Variants in SNX1 observed in about 807,000 individuals in gnomAD.
SNX1 encodes sorting nexin 1.
SNX1 carries 36 observed loss-of-function variants against 71.8 expected under a neutral mutation model. That is an observed-to-expected ratio of 0.50 (90% CI 0.38 to 0.66). The LOEUF is 0.66. Ranked by LOEUF, SNX1 falls within the 30% of genes least tolerant of loss-of-function variation. The pLI is 0.00. For synonymous variants in SNX1, 254 were observed against 240.7 expected, an observed-to-expected ratio of 1.06 and a Z score of -0.51; for missense variants, 612 against 646.7, an observed-to-expected ratio of 0.95 and a Z score of 0.58.
chr15:64,127,987 C>G (rs1206887668), intron 8 of SNX1, among the ~76,000 whole-genome samples, 181 bp downstream of exon 8: 1 of 152,128 alleles, frequency 6.6e-6, no homozygotes, highest in Non-Finnish European at 1.5e-5. Flanking sequence ...AAGCTCTGCC[C>G]GAAGTCAAAA....
intron 11 of SNX1, among the ~76,000 whole-genome samples, chr15:64,133,233 C>T (rs1320418845): frequency 6.6e-6 from 1 of 152,188 alleles, no homozygotes; most frequent in Non-Finnish European, 1.5e-5. Context: ...AGCATGGAGC[C>T]GGACCACTGT....
At position 64,142,819 on chromosome 15, in the gene SNX1, T is replaced by C. The variant is rs2081428097; in HGVS notation, c.*5201T>C. The C allele has an allele frequency of 1.4e-5, 5 of 358,962 alleles. No individual in the cohort carries two copies. The highest frequency in any genetic ancestry group is 2.8e-5 in the Non-Finnish European group (5 of 177,922). 22.2% of individuals were successfully genotyped at this position (358,962 alleles called of 1,614,324 possible). A position where few individuals can be genotyped will look rare whatever the true frequency, so the allele number is the denominator to read the frequency against. ...TAAATGAGAGAAACGGGAATAAGAATTGTCGCCTACACAAAAATACCAGCA... is the reference window on the plus strand; with the variant it reads ...TAAATGAGAGAAACGGGAATAAGAACTGTCGCCTACACAAAAATACCAGCA... On this transcript the variant is annotated 3_prime_UTR_variant, in exon 15 of 15. Coordinates refer to ENST00000559844, the MANE Select transcript of SNX1 (RefSeq NM_003099.5).
chr15:64,127,698 C>A, intron 7 of SNX1, 33 bp from the exon 8 acceptor site: 1 of 1,561,098 alleles, frequency 6.4e-7, no homozygotes, highest in South Asian at 1.1e-5. Flanking sequence ...GAGGCCAGCT[C>A]AACTAACCAG....
chr15:64,111,181 T>G (rs1004640227), intron 1 of SNX1, among the ~76,000 whole-genome samples: 2 of 152,178 alleles, frequency 1.3e-5, no homozygotes, highest in Non-Finnish European at 1.5e-5. Flanking sequence ...GGTTGGTTAT[T>G]GGTGATGTGT....
At chr15:64,127,492 A>G (rs2081265690) in intron 7 of SNX1, among the ~76,000 whole-genome samples, 1 of 152,196 alleles carries the variant, frequency 6.6e-6, no homozygotes, top group African/African-American at 2.4e-5. Context: ...TAGACAATCA[A>G]TCAAATATGA....
chr15:64,132,630 C>T lies in SNX1; in HGVS notation c.1221+738C>T, dbSNP rs144277573. ...GAACCAAGAGGAAGCCTGGCACCTA[C>T]ACTCTAAGGGCCTAAGTCTGTCCTT... On this transcript the variant is annotated intron_variant, in intron 11 of 14. Transcript: ENST00000559844. Among the ~76,000 whole-genome samples, 523 of 152,308 alleles carry T rather than the reference C, an allele frequency of 3.4e-3. 1 individual carries two copies. Among genetic ancestry groups the T allele is most frequent in the Non-Finnish European group, 5.2e-3 (357 of 68,034 alleles).
At position 64,123,494 on chromosome 15, in the gene SNX1, C is replaced by G. The variant is rs763368615; in HGVS notation, c.467-9C>G. ...CAAGATAATCTTCTGCTTTCTTGTT[C>G]TCTCACAGGGGATGGTATGAATGCA... On this transcript the variant is annotated splice_polypyrimidine_tract_variant and intron_variant, in intron 4 of 14. Transcript: ENST00000559844. 3 of 1,612,668 alleles carry G rather than the reference C, an allele frequency of 1.9e-6. No individual in the cohort carries two copies. In the Admixed American group the frequency reaches 5.0e-5, roughly 27 times the overall value.
At chr15:64,115,187 C>G (rs2081116365) in intron 2 of SNX1, among the ~76,000 whole-genome samples, 1 of 152,142 alleles carries the variant, frequency 6.6e-6, no homozygotes, top group African/African-American at 2.4e-5. Context: ...ACATGCAGAT[C>G]TTTATTAGGG....
intron 1 of SNX1, among the ~76,000 whole-genome samples, chr15:64,105,303 A>G (rs1375898865): frequency 6.6e-6 from 1 of 151,992 alleles, no homozygotes; most frequent in Admixed American, 6.6e-5. Flanking sequence ...TTGCCAACCC[A>G]TTGTTTACTT....
chr15:64,114,400 G>T (rs2081108307), intron 2 of SNX1, among the ~76,000 whole-genome samples: 1 of 152,230 alleles, frequency 6.6e-6, no homozygotes, highest in Non-Finnish European at 1.5e-5. Flanking sequence ...AAGGTTTCAA[G>T]TCCAAGGGTT....
chr15:64,097,418 C>T (rs1320250566), intron 1 of SNX1, among the ~76,000 whole-genome samples: 2 of 152,192 alleles, frequency 1.3e-5, no homozygotes, highest in Admixed American at 1.3e-4. Flanking sequence ...CACGAATTGG[C>T]CTTAGATTCC....
intron 1 of SNX1, among the ~76,000 whole-genome samples, chr15:64,100,074 G>A (rs931776331): frequency 1.3e-5 from 2 of 152,194 alleles, no homozygotes; most frequent in East Asian, 3.8e-4. Flanking sequence ...TCATGTTGGA[G>A]ACAGAGAGGA....
intron 5 of SNX1, among the ~76,000 whole-genome samples, chr15:64,125,424 CA>C (rs1426127601): frequency 6.1e-5 from 9 of 148,408 alleles, no homozygotes; most frequent in Non-Finnish European, 1.2e-4. Flanking sequence ...AAGATTGCAC[CA>C]CTGCACTCCA....
intron 1 of SNX1, among the ~76,000 whole-genome samples, chr15:64,101,903 C>T (rs78785424): frequency 6.6e-6 from 1 of 152,104 alleles, no homozygotes; most frequent in East Asian, 1.9e-4. Context: ...TGAATGTTTA[C>T]AGCACAAAGA....
chr15:64,123,286 G>C (rs1343637782), intron 4 of SNX1, among the ~76,000 whole-genome samples: 2 of 152,298 alleles, frequency 1.3e-5, no homozygotes, highest in Admixed American at 6.5e-5. Flanking sequence ...CTCAAACTGG[G>C]GCTCAGCCAG....
chr15:64,099,960 C>G (rs540420081), intron 1 of SNX1, among the ~76,000 whole-genome samples: 8 of 152,318 alleles, frequency 5.3e-5, no homozygotes, highest in Non-Finnish European at 8.8e-5. Flanking sequence ...GATCTGCCTG[C>G]CTTGGTATCC....
rs2081438134 is a variant in SNX1 at position 64,143,831 on chromosome 15, A to G, written c.*6213A>G. On this transcript the variant is annotated 3_prime_UTR_variant, in exon 15 of 15. Coordinates refer to ENST00000559844, the MANE Select transcript of SNX1 (RefSeq NM_003099.5). ...GGCACTTCTAGAAACCAAATCCTTG[A>G]AGATGACTAACCAGAAATGCCCGTC... 1 of 152,260 alleles carries G rather than the reference A, an allele frequency of 6.6e-6. No individual in the cohort carries two copies. The highest frequency in any genetic ancestry group is 1.5e-5 in the Non-Finnish European group (1 of 68,046). The allele number at this position is 152,260 out of a possible 1,614,324, so 9.4% of individuals were successfully genotyped here.
At chr15:64,126,544 C>T (rs142110585) in intron 6 of SNX1, among the ~76,000 whole-genome samples, 3 of 152,136 alleles carry the variant, frequency 2.0e-5, no homozygotes, top group Non-Finnish European at 4.4e-5. Context: ...GAAACCTCTT[C>T]ATTTTGTTTG....
At chr15:64,109,607 A>G (rs963924524) in intron 1 of SNX1, among the ~76,000 whole-genome samples, 13 of 151,896 alleles carry the variant, frequency 8.6e-5, no homozygotes, top group Non-Finnish European at 1.5e-4. Flanking sequence ...CCTGGGTTCA[A>G]GCAGTTCTCC....
Sources: allele counts gnomAD v4.1 joint callset (sites outside exome capture counted in the v4.1 genomes callset), GRCh38; gene constraint gnomAD v4.1.1; transcripts MANE v1.5; gene names NCBI Gene and HGNC (gene_info 2026-07-23, HGNC 2026-07-21).